RNF130: variants seen among roughly 807,000 people sequenced by gnomAD.
The protein encoded by RNF130 is ring finger protein 130.
Under a neutral mutation model 44.6 loss-of-function variants are expected in RNF130, and 21 were observed. That is an observed-to-expected ratio of 0.47 (90% confidence interval 0.33 to 0.68). RNF130 has a LOEUF of 0.68. RNF130 is among the 30% of genes least tolerant of loss of function. The pLI is 0.02. For synonymous variants in RNF130, 214 were observed against 210.4 expected (o/e 1.02, Z -0.15); for missense variants, 479 against 560.6 (o/e 0.85, Z 1.47).
intron 7 of RNF130, among the ~76,000 whole-genome samples, chr5:179,945,742 G>A (rs1395424162): frequency 6.6e-6 from 1 of 152,106 alleles, no homozygotes; most frequent in African/African-American, 2.4e-5. Context: ...GCTTATGAGC[G>A]GTGTCCGGCC....
intron 7 of RNF130, among the ~76,000 whole-genome samples, chr5:179,924,503 A>T (rs1435285379): frequency 6.7e-6 from 1 of 150,372 alleles, no homozygotes; most frequent in Non-Finnish European, 1.5e-5. Context: ...TGAAAAAAAA[A>T]AAAATAAATA....
intron 7 of RNF130, chr5:179,939,449 T>C (rs2113681730): frequency 5.3e-6 from 1 of 188,324 alleles, no homozygotes; most frequent in East Asian, 1.7e-4. Context: ...CTTCTGTAGC[T>C]GAACGTTTTT....
At chr5:179,963,154 C>CAGCCTTTTACACTCTA (rs1345948421) in intron 8 of RNF130, among the ~76,000 whole-genome samples, 2 of 152,224 alleles carry the variant, frequency 1.3e-5, no homozygotes, top group African/African-American at 4.8e-5. Flanking sequence ...AGGATGCTGA[C>CAGCCTTTTACACTCTA]AGCCTTTTAC....
chr5:180,071,408 A>G, intron 1 of RNF130, 48 bp downstream of exon 1: 1 of 1,228,762 alleles, frequency 8.1e-7, no homozygotes, highest in Non-Finnish European at 1.0e-6. Flanking sequence ...CCCGCCGCCT[A>G]CGCGGGATGC....
chr5:179,994,950 C>T (rs1341351343), intron 3 of RNF130, among the ~76,000 whole-genome samples: 1 of 152,178 alleles, frequency 6.6e-6, no homozygotes, highest in Admixed American at 6.5e-5. Flanking sequence ...GGGTCTTACA[C>T]TCAGCCTTGG....
chr5:179,991,136 T>G (rs932362417), intron 3 of RNF130, among the ~76,000 whole-genome samples: 3 of 152,306 alleles, frequency 2.0e-5, no homozygotes. Context: ...TTCTGGCTTG[T>G]GTAGTGTATC....
At position 179,965,380 on chromosome 5, in the gene RNF130, G is replaced by C. The variant is rs557452193; in HGVS notation, c.1150+1426C>G. The stretch of plus-strand genomic sequence containing the variant: ...GGTAGCTGTGGTTTAGTTCAATCAC[G>C]TGGGTTTTATTTATTAACATCATGT... On this transcript the variant is annotated intron_variant, in intron 7 of 8. Coordinates refer to ENST00000521389, the MANE Select transcript of RNF130 (RefSeq NM_018434.6). Among the ~76,000 whole-genome samples, 50 of 152,190 alleles carry C rather than the reference G, an allele frequency of 3.3e-4. 1 individual carries two copies. Among genetic ancestry groups the C allele is most frequent in the Non-Finnish European group, 6.6e-4 (45 of 68,040 alleles).
rs1158614385 is a variant in RNF130 at position 180,062,327 on chromosome 5, T to C, written c.247+9129A>G. On this transcript the variant is annotated intron_variant, in intron 1 of 8. Transcript: ENST00000521389. The stretch of plus-strand genomic sequence containing the variant: ...CACCTGCCTCTGCCTCCCAAAGTGC[T>C]GGGATTACAGGTGTGAGCCACTGAG... Among the ~76,000 whole-genome samples the C allele has an allele frequency of 2.0e-5, 3 of 152,000 alleles. No individual in the cohort carries two copies. The East Asian group carries it at 5.8e-4, about 29-fold the overall frequency.
At chr5:180,009,930 A>ACTTTT (rs1763547326) in intron 3 of RNF130, among the ~76,000 whole-genome samples, 1 of 152,216 alleles carries the variant, frequency 6.6e-6, no homozygotes, top group Non-Finnish European at 1.5e-5. Context: ...AAAAAGGAAT[A>ACTTTT]AATGACTGAT....
intron 7 of RNF130, among the ~76,000 whole-genome samples, chr5:179,936,555 CT>C (rs1761893935): frequency 6.6e-6 from 1 of 152,106 alleles, no homozygotes; most frequent in Non-Finnish European, 1.5e-5. Flanking sequence ...GCTTTCCCCA[CT>C]AGATGTTTAG....
chr5:179,920,318 C>T (rs894884204), exon 8 of RNF130: 2 of 696,726 alleles, frequency 2.9e-6, no homozygotes, highest in African/African-American at 3.5e-5. Context: ...GTTTAAAATT[C>T]AGGTTTTGTT....
At position 179,920,010 on chromosome 5, in the gene RNF130, G is replaced by A. The variant is rs539312870; in HGVS notation, c.*307C>T. ...ACAGCATGTGATTGTTCAGAGATGC[G>A]TCTGCAATGCAACATTAATCCTGGG... On this transcript the variant is annotated 3_prime_UTR_variant, in exon 8 of 8. Transcript: ENST00000522208. The A allele has an allele frequency of 5.5e-5, 17 of 311,080 alleles. No homozygotes were observed. The South Asian group carries it at 7.3e-4, about 13-fold the overall frequency. The allele number at this position is 311,080 out of a possible 1,614,324, so 19.3% of individuals were successfully genotyped here. A position where few individuals can be genotyped will look rare whatever the true frequency, so the allele number is the denominator to read the frequency against.
chr5:180,008,711 C>T (rs1216183895), intron 3 of RNF130, among the ~76,000 whole-genome samples: 1 of 151,962 alleles, frequency 6.6e-6, no homozygotes, highest in Non-Finnish European at 1.5e-5. Flanking sequence ...ACAGTGAAAC[C>T]TCATCTCTAC....
At chr5:179,920,569 C>A (rs936641128) in intron 7 of RNF130, 24 of 575,380 alleles carry the variant, frequency 4.2e-5, no homozygotes, top group Non-Finnish European at 1.9e-5. Flanking sequence ...TAGAGAGATA[C>A]AAAAAGTGCG....
At chr5:179,999,863 G>A (rs1223575867) in intron 3 of RNF130, among the ~76,000 whole-genome samples, 2 of 152,216 alleles carry the variant, frequency 1.3e-5, no homozygotes, top group Non-Finnish European at 2.9e-5. Context: ...GGTTATTACT[G>A]GTAGGTGAGG....
intron 7 of RNF130, among the ~76,000 whole-genome samples, chr5:179,925,763 G>C (rs1355980888): frequency 6.6e-6 from 1 of 152,100 alleles, no homozygotes; most frequent in East Asian, 1.9e-4. Flanking sequence ...AAATCCCTGG[G>C]CTTAAGCCAT....
At chr5:180,003,167 A>C (rs1235593693) in intron 3 of RNF130, among the ~76,000 whole-genome samples, 1 of 152,158 alleles carries the variant, frequency 6.6e-6, no homozygotes, top group African/African-American at 2.4e-5. Context: ...CAAAGTCAAG[A>C]AAGATTTAGC....
chr5:179,926,222 T>C (rs1259557797), intron 7 of RNF130, among the ~76,000 whole-genome samples: 2 of 152,188 alleles, frequency 1.3e-5, no homozygotes, highest in Non-Finnish European at 2.9e-5. Flanking sequence ...GAGGTCAGCT[T>C]TATTTATAGG....
At chr5:179,935,592 G>A (rs1761878475) in intron 7 of RNF130, among the ~76,000 whole-genome samples, 1 of 151,798 alleles carries the variant, frequency 6.6e-6, no homozygotes, top group Non-Finnish European at 1.5e-5. Flanking sequence ...TTACTAACAT[G>A]TTGGGACTTA....
Sources: gnomAD v4.1 joint callset for allele counts (sites outside exome capture counted in the v4.1 genomes callset) on GRCh38, gnomAD v4.1.1 for gene constraint, MANE v1.5 for transcripts, NCBI Gene and HGNC (gene_info 2026-07-23, HGNC 2026-07-21) for gene names.